SLC26A8: variants seen among roughly 807,000 people sequenced by gnomAD.
SLC26A8 encodes testis anion transporter 1.
In SLC26A8, 70 loss-of-function variants were observed where a neutral mutation model predicts 105.0. The observed-to-expected ratio is 0.67, with a 90% CI of 0.55 to 0.81. The LOEUF is 0.81. Among genes scored for constraint, SLC26A8 ranks in the 40% least tolerant of loss-of-function variants. The pLI is 0.00. For synonymous variants in SLC26A8, 415 were observed against 438.3 expected (o/e 0.95, Z 0.66); for missense variants, 998 against 1,181.8 (o/e 0.84, Z 2.28).
At chr6:36,003,872 A>G (rs1481013970) in intron 3 of SLC26A8, among the ~76,000 whole-genome samples, 1 of 151,964 alleles carries the variant, frequency 6.6e-6, no homozygotes, top group Non-Finnish European at 1.5e-5. Context: ...CATGTTAGCC[A>G]GGATGGTCTC....
At chr6:35,997,642 A>C in intron 5 of SLC26A8, 96 bp downstream of exon 5, 1 of 1,209,152 alleles carries the variant, frequency 8.3e-7, no homozygotes, top group Non-Finnish European at 1.1e-6. Flanking sequence ...AGTTCCAGGT[A>C]TATCACAGTG....
At position 35,944,218 on chromosome 6, in the gene SLC26A8, T is replaced by C. The variant is rs1479561481; in HGVS notation, c.2595A>G (p.Glu865=). 2 of 1,614,038 alleles carry C rather than the reference T, an allele frequency of 1.2e-6. No homozygotes were observed. The highest frequency in any genetic ancestry group is 2.2e-5 in the South Asian group (2 of 91,074). Residue 865 remains glutamate (E), a synonymous_variant, in exon 20 of 20, where the codon GAA becomes GAG. Transcript: ENST00000490799. ...GACCCAGCCCAGCCTCTTGTTCTGA[T>C]TCCAGCTCCAAATCCAACTCCGACT... The part of the protein sequence containing the change: ...EEESELDLEL[E]SEQEAGLGLD...
chr6:35,949,845 G>A (rs761702226), intron 19 of SLC26A8, among the ~76,000 whole-genome samples: 30 of 151,262 alleles, frequency 2.0e-4, no homozygotes, highest in East Asian at 1.4e-3. Context: ...TCACTCCGTC[G>A]CCCAGTCTGG....
At position 35,943,895 on chromosome 6, in the gene SLC26A8, A is replaced by G. The variant is rs758317401; in HGVS notation, c.*5T>C. 3.7e-6 allele frequency: 6 copies of G among 1,610,528 alleles called. No individual in the cohort carries two copies. The highest frequency in any genetic ancestry group is 5.1e-6 in the Non-Finnish European group (6 of 1,177,330). ...TTATCTGACCCCTTATTTCTAGTTC[A>G]TCTCCTAGACATCTTCATTGCTGTT... On this transcript the variant is annotated 3_prime_UTR_variant, in exon 20 of 20. Coordinates refer to ENST00000490799, the MANE Select transcript of SLC26A8 (RefSeq NM_052961.4).
At chr6:36,011,179 A>G (rs1761846818) in intron 3 of SLC26A8, among the ~76,000 whole-genome samples, 1 of 152,218 alleles carries the variant, frequency 6.6e-6, no homozygotes, top group Admixed American at 6.5e-5. Flanking sequence ...GATGAATTTG[A>G]TCTGGGGTTA....
intron 19 of SLC26A8, 68 bp downstream of exon 19, chr6:35,951,095 C>T (rs1771850456): frequency 7.8e-7 from 1 of 1,282,782 alleles, no homozygotes; most frequent in Non-Finnish European, 1.1e-6. Flanking sequence ...CCCCCAACCA[C>T]CCCTCACCCA....
intron 7 of SLC26A8, among the ~76,000 whole-genome samples, chr6:35,982,654 C>T (rs961926642): frequency 3.9e-5 from 6 of 152,062 alleles, no homozygotes; most frequent in Non-Finnish European, 8.8e-5. Context: ...ATCTCCCCAC[C>T]AACTTTAAAC....
chr6:35,982,678 T>C (rs1333945431), intron 7 of SLC26A8, among the ~76,000 whole-genome samples: 3 of 152,222 alleles, frequency 2.0e-5, no homozygotes, highest in Non-Finnish European at 4.4e-5. Flanking sequence ...TAGATTAATA[T>C]AAACATGTTT....
intron 9 of SLC26A8, 72 bp downstream of exon 9, chr6:35,977,132 G>A: frequency 6.6e-7 from 1 of 1,514,144 alleles, no homozygotes; most frequent in Non-Finnish European, 8.9e-7. Context: ...AAAGACTCCT[G>A]CTTCATGTTG....
At chr6:36,016,930 G>T (rs142298641) in intron 2 of SLC26A8, among the ~76,000 whole-genome samples, 12,037 of 152,192 alleles carry the variant, frequency 0.079, 525 homozygotes, top group Non-Finnish European at 0.096. Context: ...CCAGCACTTT[G>T]TGAGGCCAAA....
At position 35,950,419 on chromosome 6, in the gene SLC26A8, T is replaced by TG. The variant is rs1771828259; in HGVS notation, c.2472+743dup. 3.3e-5 allele frequency among the ~76,000 whole-genome samples: 5 copies of TG among 152,086 alleles called. No homozygotes were observed. In the South Asian group the frequency reaches 1.0e-3, roughly 32 times the overall value. Reference sequence around the variant, plus strand: ...ATTCTGCCTCAGCCTCCCAAGCAACTGGGACTACAGGTGCCCGCCACCATG... The same window carrying TG: ...ATTCTGCCTCAGCCTCCCAAGCAACTGGGGACTACAGGTGCCCGCCACCATG... On this transcript the variant is annotated intron_variant, in intron 19 of 19. Coordinates refer to ENST00000490799, the MANE Select transcript of SLC26A8 (RefSeq NM_052961.4).
At chr6:36,024,331 T>A in intron 1 of SLC26A8, 173 bp downstream of exon 1, 1 of 407,366 alleles carries the variant, frequency 2.5e-6, no homozygotes. Flanking sequence ...AGACAATACC[T>A]CAGAGATAAG....
chr6:35,998,689 A>T (rs1182601138), intron 4 of SLC26A8, among the ~76,000 whole-genome samples: 1 of 152,174 alleles, frequency 6.6e-6, no homozygotes, highest in African/African-American at 2.4e-5. Context: ...TTGTCATAAC[A>T]CATAAGAGAG....
At position 35,977,208 on chromosome 6, in the gene SLC26A8, T is replaced by C. The variant is rs988878281; in HGVS notation, c.1169A>G (p.Asn390Ser). ...ASLHNYSVNS[N>S]QDLIAIGLCN... Reference sequence around the variant, plus strand: ...AGGAAGTAGTAGTCCTCTCACCTGGTTGGAATTGACACTGTAATTGTGAAG... The same window carrying C: ...AGGAAGTAGTAGTCCTCTCACCTGGCTGGAATTGACACTGTAATTGTGAAG... Residue 390 changes from asparagine to serine, a missense_variant, in exon 9 of 20, where the codon AAC (asparagine) becomes AGC (serine). Coordinates refer to ENST00000490799, the MANE Select transcript of SLC26A8 (RefSeq NM_052961.4). The C allele has an allele frequency of 6.2e-7, 1 of 1,613,326 alleles. No individual in the cohort carries two copies. The highest frequency in any genetic ancestry group is 8.5e-7 in the Non-Finnish European group (1 of 1,179,714).
In SLC26A8 at chr6:35,975,474, G is replaced by A. The variant is rs748079827; in HGVS notation, c.1188C>T (p.Ile396=). Residue 396 remains isoleucine (I), a synonymous_variant, in exon 10 of 20, where the codon ATC becomes ATT. Transcript: ENST00000490799. ...SVNSNQDLIA[I]GLCNVVSSFF... ...ATGAACTGACGACATTGCAAAGGCC[G>A]ATGGCTATTAAATCCTGTAAAGAAA... 1.2e-6 allele frequency: 2 copies of A among 1,610,552 alleles called. No individual in the cohort carries two copies. Among genetic ancestry groups the A allele is most frequent in the African/African-American group, 1.3e-5 (1 of 74,744 alleles).
intron 7 of SLC26A8, among the ~76,000 whole-genome samples, chr6:35,984,303 C>T (rs919437631): frequency 4.8e-4 from 69 of 142,932 alleles, no homozygotes; most frequent in African/African-American, 1.7e-3. Flanking sequence ...TCTTTTCTTT[C>T]TTTCTTCTTC....
chr6:35,990,982 G>C (rs938513811), intron 7 of SLC26A8, among the ~76,000 whole-genome samples: 4 of 152,154 alleles, frequency 2.6e-5, no homozygotes, highest in African/African-American at 9.7e-5. Flanking sequence ...GTGTGAGGGA[G>C]ATCTATTGTG....
At chr6:36,004,830 T>C in intron 3 of SLC26A8, among the ~76,000 whole-genome samples, 1 of 149,306 alleles carries the variant, frequency 6.7e-6, no homozygotes. Context: ...ATTTTTTTTT[T>C]TTTTTTTTTT....
chr6:35,975,849 G>A (rs1000314065), intron 9 of SLC26A8, among the ~76,000 whole-genome samples: 4 of 146,022 alleles, frequency 2.7e-5, no homozygotes, highest in African/African-American at 1.0e-4. Context: ...AGAGACAGAC[G>A]TTGTGGTGAG....
Sources: allele counts gnomAD v4.1 joint callset (sites outside exome capture counted in the v4.1 genomes callset), GRCh38; gene constraint gnomAD v4.1.1; transcripts MANE v1.5; gene names NCBI Gene and HGNC (gene_info 2026-07-23, HGNC 2026-07-21).